The following FBXL17 variants were observed in gnomAD, a reference collection of about 807,000 sequenced individuals.
FBXL17 encodes the protein F-box/LRR-repeat protein 17.
FBXL17 carries 22 observed loss-of-function variants against 66.2 expected under a neutral mutation model. The ratio of observed to expected loss-of-function variants is 0.33; its 90% CI spans 0.24 to 0.47. The LOEUF (loss-of-function observed/expected upper bound fraction) is 0.47, where lower values mean the gene tolerates loss of function less well. Among genes scored for constraint, FBXL17 ranks in the 20% least tolerant of loss-of-function variants. The pLI is 1.00. For synonymous variants in FBXL17, 474 were observed against 400.5 expected, an observed-to-expected ratio of 1.18 and a Z score of -2.19; for missense variants, 878 against 948.2, an observed-to-expected ratio of 0.93 and a Z score of 0.97.
At chr5:108,138,513 C>G (rs2149983431) in intron 6 of FBXL17, among the ~76,000 whole-genome samples, 1 of 152,306 alleles carries the variant, frequency 6.6e-6, no homozygotes, top group East Asian at 1.9e-4. Context: ...ATAAACATCT[C>G]CTCTTCAATT....
intron 8 of FBXL17, among the ~76,000 whole-genome samples, chr5:107,873,541 G>T (rs980026952): frequency 6.6e-6 from 1 of 152,226 alleles, no homozygotes; most frequent in African/African-American, 2.4e-5. Flanking sequence ...AAGACCTGCT[G>T]CTGCTGGATG....
chr5:108,281,602 G>A (rs546037399), intron 4 of FBXL17, among the ~76,000 whole-genome samples: 20 of 151,678 alleles, frequency 1.3e-4, no homozygotes, highest in African/African-American at 4.6e-4. Flanking sequence ...CAAATTGCCA[G>A]TATAACAATA....
intron 7 of FBXL17, among the ~76,000 whole-genome samples, chr5:108,009,278 T>TAGATAG (rs1561365252): frequency 7.9e-5 from 4 of 50,566 alleles, no homozygotes; most frequent in African/African-American, 3.0e-4. Context: ...TATATATATA[T>TAGATAG]ATATATATAT....
At chr5:108,379,617 G>A (rs1749698921) in intron 1 of FBXL17, among the ~76,000 whole-genome samples, 1 of 152,104 alleles carries the variant, frequency 6.6e-6, no homozygotes, top group African/African-American at 2.4e-5. Context: ...CTTCAGTAAC[G>A]GTAAAAGTAG....
chr5:107,893,629 T>C (rs1401447495), intron 7 of FBXL17, among the ~76,000 whole-genome samples: 1 of 152,196 alleles, frequency 6.6e-6, no homozygotes. Context: ...GGTTTGGGGA[T>C]AAATGCTGTC....
intron 1 of FBXL17, 88 bp from the exon 2 acceptor site, chr5:108,368,041 T>G: frequency 1.6e-6 from 2 of 1,286,846 alleles, no homozygotes; most frequent in Non-Finnish European, 2.1e-6. Context: ...AAAGTTAACT[T>G]TGTAAAAAGA....
chr5:108,348,837 C>T (rs1747456449), intron 3 of FBXL17, among the ~76,000 whole-genome samples: 2 of 152,162 alleles, frequency 1.3e-5, no homozygotes, highest in South Asian at 2.1e-4. Context: ...CAGGGTCTCA[C>T]TGTGTCGCCC....
chr5:108,180,471 A>G (rs1752957351), intron 6 of FBXL17, among the ~76,000 whole-genome samples: 1 of 152,008 alleles, frequency 6.6e-6, no homozygotes, highest in South Asian at 2.1e-4. Context: ...GTGCCACTGC[A>G]CTCCAGCCTG....
At chr5:108,091,662 C>G (rs527667690) in intron 6 of FBXL17, among the ~76,000 whole-genome samples, 5 of 152,288 alleles carry the variant, frequency 3.3e-5, no homozygotes, top group African/African-American at 1.2e-4. Context: ...TACTTTCCCC[C>G]TACTTCTTAC....
intron 6 of FBXL17, among the ~76,000 whole-genome samples, chr5:108,105,477 T>C (rs1702442513): frequency 6.6e-6 from 1 of 152,228 alleles, no homozygotes. Context: ...CTTGCATATG[T>C]TCTCAAAGTT....
At chr5:108,261,247 G>GA (rs1169730129) in intron 4 of FBXL17, among the ~76,000 whole-genome samples, 1 of 151,668 alleles carries the variant, frequency 6.6e-6, no homozygotes, top group Non-Finnish European at 1.5e-5. Flanking sequence ...AGGAGGCTCA[G>GA]AAAAAAATGG....
At chr5:108,331,444 G>C (rs974487921) in intron 4 of FBXL17, among the ~76,000 whole-genome samples, 1 of 152,150 alleles carries the variant, frequency 6.6e-6, no homozygotes, top group African/African-American at 2.4e-5. Context: ...AGCTGTTACA[G>C]AAAAAGAAAG....
intron 7 of FBXL17, among the ~76,000 whole-genome samples, chr5:107,903,672 A>C (rs1389803543): frequency 6.6e-6 from 1 of 152,182 alleles, no homozygotes; most frequent in South Asian, 2.1e-4. Context: ...GCAAAGACAG[A>C]ATAAAAGGAA....
At chr5:108,112,446 T>A (rs1750075124) in intron 6 of FBXL17, among the ~76,000 whole-genome samples, 2 of 152,120 alleles carry the variant, frequency 1.3e-5, no homozygotes, top group Admixed American at 6.6e-5. Context: ...GATTTACCCA[T>A]CAAACTGTGC....
intron 4 of FBXL17, among the ~76,000 whole-genome samples, chr5:108,291,307 G>C (rs1758104369): frequency 6.6e-6 from 1 of 152,118 alleles, no homozygotes; most frequent in Non-Finnish European, 1.5e-5. Context: ...TGAGTTGGAG[G>C]CATGCTAAAA....
intron 6 of FBXL17, among the ~76,000 whole-genome samples, chr5:108,102,939 T>G (rs747532292): frequency 6.6e-6 from 1 of 152,180 alleles, no homozygotes; most frequent in Non-Finnish European, 1.5e-5. Context: ...TAAAGCATAG[T>G]TGACAAACTA....
chr5:108,046,823 A>C (rs1301065765), intron 6 of FBXL17, among the ~76,000 whole-genome samples: 1 of 152,254 alleles, frequency 6.6e-6, no homozygotes, highest in East Asian at 1.9e-4. Flanking sequence ...TACAATTTAG[A>C]AAACTCAAGA....
At chr5:107,969,219 A>G (rs1752271611) in intron 7 of FBXL17, among the ~76,000 whole-genome samples, 2 of 152,196 alleles carry the variant, frequency 1.3e-5, no homozygotes, top group Non-Finnish European at 2.9e-5. Context: ...GGTCTAGGTC[A>G]TTGAAAGCAT....
At chr5:108,241,342 T>C (rs773733854) in intron 4 of FBXL17, among the ~76,000 whole-genome samples, 6 of 152,122 alleles carry the variant, frequency 3.9e-5, no homozygotes, top group Non-Finnish European at 7.4e-5. Flanking sequence ...ATTCTGGAGC[T>C]GAAAAATGCA....
Sources: allele counts gnomAD v4.1 joint callset (sites outside exome capture counted in the v4.1 genomes callset), GRCh38; gene constraint gnomAD v4.1.1; transcripts MANE v1.5; gene names NCBI Gene and HGNC (gene_info 2026-07-23, HGNC 2026-07-21).